The following PARD3 variants were observed in gnomAD, a reference collection of about 807,000 sequenced individuals.
The protein encoded by PARD3 is partitioning defective 3 homolog.
A neutral mutation model predicts 155.4 loss-of-function variants in PARD3; 75 were observed. The ratio of observed to expected loss-of-function variants is 0.48; its 90% CI spans 0.40 to 0.58. PARD3 has a LOEUF of 0.58. Ranked by LOEUF, PARD3 falls within the 20% of genes least tolerant of loss-of-function variation. PARD3 has a pLI of 0.00. For missense variants in PARD3, 1,642 were observed against 1,721.7 expected, an observed-to-expected ratio of 0.95 and a Z score of 0.82; for synonymous variants, 576 against 610.5, an observed-to-expected ratio of 0.94 and a Z score of 0.83.
intron 22 of PARD3, among the ~76,000 whole-genome samples, chr10:34,146,954 T>G (rs1222212935): frequency 6.6e-6 from 1 of 152,202 alleles, no homozygotes; most frequent in East Asian, 1.9e-4. Context: ...AATCACAGTC[T>G]TAGAAGAACC....
chr10:34,746,498 T>A (rs1382798762), intron 1 of PARD3, among the ~76,000 whole-genome samples: 1 of 152,184 alleles, frequency 6.6e-6, no homozygotes, highest in Non-Finnish European at 1.5e-5. Context: ...AACACATTTA[T>A]TAAAGCCATG....
chr10:34,685,986 C>T (rs1286593288), intron 2 of PARD3, among the ~76,000 whole-genome samples: 1 of 152,194 alleles, frequency 6.6e-6, no homozygotes, highest in Non-Finnish European at 1.5e-5. Flanking sequence ...CACCCTGCAA[C>T]TCATCCCATT....
intron 1 of PARD3, among the ~76,000 whole-genome samples, chr10:34,701,542 A>G (rs563300363): frequency 1.8e-4 from 27 of 152,308 alleles, no homozygotes; most frequent in East Asian, 5.8e-4. Flanking sequence ...GACTTCCCCA[A>G]CAGAGCCGGT....
chr10:34,586,469 G>C (rs183200815), intron 2 of PARD3, among the ~76,000 whole-genome samples: 42 of 152,272 alleles, frequency 2.8e-4, no homozygotes, highest in African/African-American at 9.1e-4. Flanking sequence ...ATGTATGACT[G>C]AGCACATCAG....
chr10:34,637,933 A>G (rs2092541412), intron 2 of PARD3, among the ~76,000 whole-genome samples: 2 of 152,250 alleles, frequency 1.3e-5, no homozygotes, highest in African/African-American at 4.8e-5. Flanking sequence ...AAACTTTTAC[A>G]TAGGAAAAGC....
At chr10:34,450,196 TA>T in intron 5 of PARD3, 120 bp downstream of exon 5, 1 of 922,864 alleles carries the variant, frequency 1.1e-6, no homozygotes, top group Non-Finnish European at 1.6e-6. Context: ...GGTACTTAAC[TA>T]AAGTTTGTTA....
At position 34,586,075 on chromosome 10, in the gene PARD3, A is replaced by G. The variant is rs115168546; in HGVS notation, c.223-68916T>C. On this transcript the variant is annotated intron_variant, in intron 2 of 24. Coordinates refer to ENST00000374788, the MANE Select transcript of PARD3 (RefSeq NM_001184785.2). ...CCTGTAACATTCAAATATCCATGAG[A>G]AAAAAAAAAGTAAGTCATATCAAGT... Among the ~76,000 whole-genome samples the G allele has an allele frequency of 5.9e-3, 886 of 150,528 alleles. 2 individuals are homozygous for G. The highest frequency in any genetic ancestry group is 0.02 in the African/African-American group (831 of 41,110).
chr10:34,245,344 T>C (rs1286343412), intron 22 of PARD3, among the ~76,000 whole-genome samples: 2 of 152,092 alleles, frequency 1.3e-5, no homozygotes, highest in African/African-American at 2.4e-5. Flanking sequence ...CTAGTTTCAA[T>C]GAGGATAAAT....
chr10:34,232,592 A>G (rs1027345945), intron 22 of PARD3, among the ~76,000 whole-genome samples: 2 of 152,182 alleles, frequency 1.3e-5, no homozygotes, highest in Admixed American at 6.5e-5. Flanking sequence ...AAAATCATAA[A>G]GGAATATTGT....
At chr10:34,722,852 A>G (rs1347285355) in intron 1 of PARD3, among the ~76,000 whole-genome samples, 1 of 152,168 alleles carries the variant, frequency 6.6e-6, no homozygotes, top group Non-Finnish European at 1.5e-5. Flanking sequence ...ATGATGAAAT[A>G]TTTACCAGTG....
At chr10:34,197,399 A>G (rs1448612749) in intron 22 of PARD3, among the ~76,000 whole-genome samples, 1 of 152,158 alleles carries the variant, frequency 6.6e-6, no homozygotes, top group African/African-American at 2.4e-5. Context: ...ACTTAGGACT[A>G]CACGTTCTCC....
chr10:34,292,997 G>A (rs977370703), intron 20 of PARD3, among the ~76,000 whole-genome samples: 1 of 152,058 alleles, frequency 6.6e-6, no homozygotes, highest in Admixed American at 6.6e-5. Flanking sequence ...AAAGGGAACC[G>A]AGCACAAAAT....
intron 7 of PARD3, among the ~76,000 whole-genome samples, chr10:34,391,054 G>C (rs933939193): frequency 1.3e-5 from 2 of 152,170 alleles, no homozygotes; most frequent in Non-Finnish European, 2.9e-5. Flanking sequence ...TATTTTAAAA[G>C]TGTCATCTTA....
chr10:34,353,174 G>T (rs1198453648), intron 14 of PARD3, among the ~76,000 whole-genome samples: 1 of 152,214 alleles, frequency 6.6e-6, no homozygotes, highest in East Asian at 1.9e-4. Flanking sequence ...CGGGAGGGAG[G>T]TGGGGGGCGC....
At chr10:34,442,160 T>A (rs2076497815) in intron 5 of PARD3, among the ~76,000 whole-genome samples, 1 of 152,216 alleles carries the variant, frequency 6.6e-6, no homozygotes. Flanking sequence ...AAGGGCTTAG[T>A]TTATTTTTAA....
chr10:34,712,152 G>A (rs968284857), intron 1 of PARD3, among the ~76,000 whole-genome samples: 1 of 152,172 alleles, frequency 6.6e-6, no homozygotes, highest in Non-Finnish European at 1.5e-5. Flanking sequence ...CCTCACTCTA[G>A]TCCCGATGGA....
intron 18 of PARD3, among the ~76,000 whole-genome samples, chr10:34,332,974 A>G (rs1204095918): frequency 6.6e-6 from 1 of 152,198 alleles, no homozygotes; most frequent in African/African-American, 2.4e-5. Context: ...GGAAAAGATC[A>G]TTCCTGGGCA....
At chr10:34,519,876 A>T (rs1361816904) in intron 2 of PARD3, among the ~76,000 whole-genome samples, 4 of 149,908 alleles carry the variant, frequency 2.7e-5, no homozygotes, top group African/African-American at 9.7e-5. Flanking sequence ...ATAACATAAC[A>T]TAACATAAAA....
At chr10:34,649,301 A>G (rs1462051674) in intron 2 of PARD3, among the ~76,000 whole-genome samples, 1 of 152,182 alleles carries the variant, frequency 6.6e-6, no homozygotes, top group African/African-American at 2.4e-5. Flanking sequence ...GGTAAAACAG[A>G]AATGTGTGAT....
Sources: allele counts gnomAD v4.1 joint callset (sites outside exome capture counted in the v4.1 genomes callset), GRCh38; gene constraint gnomAD v4.1.1; transcripts MANE v1.5; gene names NCBI Gene and HGNC (gene_info 2026-07-23, HGNC 2026-07-21).